The following ME3 variants were observed in gnomAD, a reference collection of about 807,000 sequenced individuals.
ME3 encodes the protein malic enzyme 3.
Under a neutral mutation model 68.9 loss-of-function variants are expected in ME3, and 48 were observed. The observed-to-expected ratio is 0.70, with a 90% CI of 0.55 to 0.89. The LOEUF is 0.89. Ranked by LOEUF, ME3 falls within the 40% of genes least tolerant of loss-of-function variation. The pLI, the probability that ME3 is intolerant of heterozygous loss-of-function variation, is 0.00. For missense variants in ME3, 675 were observed against 797.4 expected, an observed-to-expected ratio of 0.85 and a Z score of 1.85; for synonymous variants, 320 against 318.8, an observed-to-expected ratio of 1.00 and a Z score of -0.04.
rs973450387 is a variant in ME3 at position 86,457,462 on chromosome 11, T to C, written c.920-7064A>G. On this transcript the variant is annotated intron_variant, in intron 8 of 14. Transcript: ENST00000543262. ...GACCTCTCAGCAGCATTTGGTACTG[T>C]TGCCCATTTTTTTCCTTTGGGAAGC... The C allele has an allele frequency of 1.9e-5, 19 of 1,014,634 alleles. No individual in the cohort carries two copies. The East Asian group carries it at 1.4e-3, about 76-fold the overall frequency. The allele number at this position is 1,014,634 out of a possible 1,614,324, so 62.9% of individuals were successfully genotyped here.
chr11:86,580,981 C>A (rs1047611843), intron 2 of ME3, among the ~76,000 whole-genome samples: 5 of 152,098 alleles, frequency 3.3e-5, no homozygotes, highest in Admixed American at 2.0e-4. Context: ...GGGAAGCATA[C>A]AACAACATTT....
At chr11:86,520,832 GT>G (rs112245757) in intron 4 of ME3, among the ~76,000 whole-genome samples, 13,933 of 152,210 alleles carry the variant, frequency 0.092, 927 homozygotes, top group African/African-American at 0.19. Context: ...GGCAATGTAA[GT>G]TTTTCTACGA....
intron 4 of ME3, among the ~76,000 whole-genome samples, chr11:86,550,767 A>G (rs551978774): frequency 1.3e-5 from 2 of 152,062 alleles, no homozygotes; most frequent in East Asian, 3.9e-4. Flanking sequence ...CTGGGTTGGA[A>G]CTGTGTTGTG....
At chr11:86,519,446 T>G (rs1050149427) in intron 4 of ME3, among the ~76,000 whole-genome samples, 1 of 152,158 alleles carries the variant, frequency 6.6e-6, no homozygotes, top group Non-Finnish European at 1.5e-5. Context: ...TTTCCTAAAA[T>G]AGAATTGAAA....
At chr11:86,546,018 C>A (rs562226133) in intron 4 of ME3, among the ~76,000 whole-genome samples, 1 of 152,206 alleles carries the variant, frequency 6.6e-6, no homozygotes, top group Non-Finnish European at 1.5e-5. Context: ...CACACATCTA[C>A]AACCATCTTG....
At chr11:86,588,576 AAC>A (rs1958872201) in intron 2 of ME3, among the ~76,000 whole-genome samples, 1 of 152,202 alleles carries the variant, frequency 6.6e-6, no homozygotes, top group Admixed American at 6.5e-5. Flanking sequence ...CAGAAAGGGC[AAC>A]ACAGCAAGCT....
At chr11:86,546,629 C>A (rs760016857) in intron 4 of ME3, among the ~76,000 whole-genome samples, 35 of 152,226 alleles carry the variant, frequency 2.3e-4, no homozygotes, top group Middle Eastern at 6.8e-3. Flanking sequence ...CCATCTCATG[C>A]CAGTTAGAAT....
chr11:86,446,901 G>A, intron 12 of ME3, 164 bp downstream of exon 12: 1 of 976,040 alleles, frequency 1.0e-6, no homozygotes, highest in Non-Finnish European at 1.5e-6. Flanking sequence ...TTGACAGCCA[G>A]CTCCACTCCT....
chr11:86,626,158 T>C (rs1297759173), intron 2 of ME3, among the ~76,000 whole-genome samples: 2 of 152,214 alleles, frequency 1.3e-5, no homozygotes, highest in African/African-American at 4.8e-5. Flanking sequence ...TCCTCTATTG[T>C]CTGTGTTGCA....
chr11:86,598,698 C>T (rs1324467539), intron 2 of ME3, among the ~76,000 whole-genome samples: 3 of 152,204 alleles, frequency 2.0e-5, no homozygotes, highest in Non-Finnish European at 2.9e-5. Context: ...GGGAGGCACC[C>T]CCCAGTAGGG....
rs75508787 is a variant in ME3, at chr11:86,597,273, C to T, written c.184-37450G>A. Among the ~76,000 whole-genome samples the T allele has an allele frequency of 7.3e-3, 1,115 of 152,332 alleles. 6 individuals are homozygous for T. The highest frequency in any genetic ancestry group is 0.012 in the Non-Finnish European group (815 of 68,030). On this transcript the variant is annotated intron_variant, in intron 2 of 14. Coordinates refer to ENST00000543262, the Ensembl canonical transcript of ME3. ...TTCCAAGGAACACGTTCCAAGGTCA[C>T]GGCAGAACCAGCAGTGAGCTTCTGG... is the stretch of plus-strand genomic sequence containing the variant.
chr11:86,541,014 C>G (rs1244288549), intron 4 of ME3, among the ~76,000 whole-genome samples: 1 of 152,178 alleles, frequency 6.6e-6, no homozygotes, highest in Non-Finnish European at 1.5e-5. Context: ...TGGGGCATCA[C>G]CTCACCCAAA....
At chr11:86,664,495 A>G (rs544031066) in intron 2 of ME3, among the ~76,000 whole-genome samples, 7 of 152,344 alleles carry the variant, frequency 4.6e-5, no homozygotes, top group African/African-American at 1.7e-4. Context: ...CTTTCTGAGT[A>G]TCATCTTCAG....
chr11:86,610,644 G>A (rs1448515112), intron 2 of ME3, among the ~76,000 whole-genome samples: 1 of 124,200 alleles, frequency 8.1e-6, no homozygotes, highest in East Asian at 2.6e-4. Flanking sequence ...GCACCCTGTA[G>A]TTCTCTTTTG....
At chr11:86,481,279 C>T (rs1397472489) in intron 7 of ME3, among the ~76,000 whole-genome samples, 1 of 147,672 alleles carries the variant, frequency 6.8e-6, no homozygotes, top group Admixed American at 6.9e-5. Flanking sequence ...TCTTGAACTC[C>T]TGGCCTCAAA....
At chr11:86,507,527 A>C (rs2139086927) in intron 5 of ME3, among the ~76,000 whole-genome samples, 1 of 152,240 alleles carries the variant, frequency 6.6e-6, no homozygotes, top group East Asian at 1.9e-4. Flanking sequence ...CAGCCAGTGG[A>C]TGTTCTGCAT....
exon 4 of ME3, chr11:86,556,611 A>G (rs1029324127): frequency 1.2e-6 from 2 of 1,614,052 alleles, no homozygotes; most frequent in Non-Finnish European, 1.7e-6. Flanking sequence ...GTAGGCGTGT[A>G]CACGATTGGC....
intron 2 of ME3, among the ~76,000 whole-genome samples, chr11:86,642,948 G>A (rs1250747509): frequency 4.6e-5 from 7 of 152,128 alleles, no homozygotes; most frequent in Admixed American, 2.0e-4. Flanking sequence ...TGATATCTTG[G>A]TTAAGCTGTG....
chr11:86,638,788 C>T (rs766640987), intron 2 of ME3, among the ~76,000 whole-genome samples: 4 of 152,212 alleles, frequency 2.6e-5, no homozygotes, highest in Non-Finnish European at 5.9e-5. Context: ...GATCAAGTAA[C>T]CTTCCCAAGA....
Sources: allele counts gnomAD v4.1 joint callset (sites outside exome capture counted in the v4.1 genomes callset), GRCh38; gene constraint gnomAD v4.1.1; transcripts MANE v1.5; gene names NCBI Gene and HGNC (gene_info 2026-07-23, HGNC 2026-07-21).